SLC14A2: variants seen among roughly 807,000 people sequenced by gnomAD.
The protein encoded by SLC14A2 is solute carrier family 14 member 2.
A neutral mutation model predicts 104.6 loss-of-function variants in SLC14A2; 91 were observed. That is an observed-to-expected ratio of 0.87 (90% CI 0.73 to 1.04). The LOEUF (loss-of-function observed/expected upper bound fraction) is 1.04, where lower values mean the gene tolerates loss of function less well. Ranked by LOEUF, SLC14A2 falls within the 50% of genes least tolerant of loss-of-function variation. SLC14A2 has a pLI of 0.00. For missense variants in SLC14A2, 1,189 were observed against 1,156.0 expected, an observed-to-expected ratio of 1.03 and a Z score of -0.41; for synonymous variants, 476 against 466.4, an observed-to-expected ratio of 1.02 and a Z score of -0.27.
At chr18:45,214,661 T>G (rs977311269) in intron 1 of SLC14A2, among the ~76,000 whole-genome samples, 1 of 152,150 alleles carries the variant, frequency 6.6e-6, no homozygotes, top group Non-Finnish European at 1.5e-5. Flanking sequence ...GTCTTTCACT[T>G]GGTACTCAGA....
At chr18:45,584,029 A>G (rs2044534212) in intron 2 of SLC14A2, among the ~76,000 whole-genome samples, 1 of 152,252 alleles carries the variant, frequency 6.6e-6, no homozygotes, top group Non-Finnish European at 1.5e-5. Context: ...CTGAGTTTAC[A>G]TTATTGGTTT....
At chr18:45,350,400 G>C (rs965646751) in intron 1 of SLC14A2, among the ~76,000 whole-genome samples, 2 of 152,160 alleles carry the variant, frequency 1.3e-5, no homozygotes, top group Non-Finnish European at 2.9e-5. Context: ...AGGTCACAGG[G>C]ACAGCACGTT....
At chr18:45,329,620 T>A (rs73955534) in intron 1 of SLC14A2, among the ~76,000 whole-genome samples, 2,089 of 152,328 alleles carry the variant, frequency 0.014, 51 homozygotes, top group African/African-American at 0.048. Context: ...GCCACCAGCC[T>A]GTGTTGTTAT....
chr18:45,679,379 A>G (rs532510373), intron 19 of SLC14A2, among the ~76,000 whole-genome samples: 4 of 152,224 alleles, frequency 2.6e-5, no homozygotes, highest in Non-Finnish European at 4.4e-5. Context: ...GTGAGCCAGC[A>G]TATATCTTTG....
intron 10 of SLC14A2, among the ~76,000 whole-genome samples, chr18:45,645,622 T>TATATATATATATAC (rs370081713): frequency 7.4e-6 from 1 of 134,862 alleles, no homozygotes; most frequent in Non-Finnish European, 1.6e-5. Context: ...AATATATATA[T>TATATATATATATAC]ACATATACAA....
chr18:45,328,379 T>A (rs959353621), intron 1 of SLC14A2, among the ~76,000 whole-genome samples: 3 of 152,168 alleles, frequency 2.0e-5, no homozygotes, highest in Non-Finnish European at 4.4e-5. Context: ...ACAGGAATGA[T>A]GGACAAAGCC....
intron 1 of SLC14A2, among the ~76,000 whole-genome samples, chr18:45,451,367 G>A (rs2086854987): frequency 6.6e-6 from 1 of 152,008 alleles, no homozygotes; most frequent in Admixed American, 6.6e-5. Context: ...GTATCAGAAA[G>A]CAATTCAACA....
At chr18:45,304,833 A>C (rs1367059181) in intron 1 of SLC14A2, among the ~76,000 whole-genome samples, 2 of 152,210 alleles carry the variant, frequency 1.3e-5, no homozygotes. Context: ...CAAGAAGTTC[A>C]TGAACCCTCT....
At chr18:45,220,717 G>A (rs1417205358) in intron 1 of SLC14A2, among the ~76,000 whole-genome samples, 1 of 152,188 alleles carries the variant, frequency 6.6e-6, no homozygotes, top group African/African-American at 2.4e-5. Flanking sequence ...ACCAAAAAGG[G>A]AAATGTTAGG....
chr18:45,632,717 G>A (rs1348748026), intron 5 of SLC14A2, among the ~76,000 whole-genome samples: 2 of 152,232 alleles, frequency 1.3e-5, no homozygotes, highest in East Asian at 3.9e-4. Flanking sequence ...TTGCTCTGTC[G>A]TCCAGGCTGG....
At chr18:45,215,842 A>AT (rs111843378) in intron 1 of SLC14A2, among the ~76,000 whole-genome samples, 1,853 of 151,216 alleles carry the variant, frequency 0.012, 24 homozygotes, top group Middle Eastern at 0.017. Flanking sequence ...CTATAATGGT[A>AT]TTTTTTTTTG....
intron 1 of SLC14A2, among the ~76,000 whole-genome samples, chr18:45,306,281 T>C (rs567064484): frequency 5.9e-5 from 9 of 152,306 alleles, no homozygotes; most frequent in Non-Finnish European, 8.8e-5. Context: ...TTTTTAAAAC[T>C]AAGGGCCATA....
the SLC14A2 span, among the ~76,000 whole-genome samples, chr18:45,183,050 AATT>A: frequency 6.6e-6 from 1 of 152,216 alleles, no homozygotes; most frequent in African/African-American, 2.4e-5. Flanking sequence ...TATAGATTAG[AATT>A]ATGAACAGTT....
At chr18:45,522,973 C>T (rs377598690) in intron 2 of SLC14A2, among the ~76,000 whole-genome samples, 10 of 152,226 alleles carry the variant, frequency 6.6e-5, no homozygotes, top group Admixed American at 5.9e-4. Flanking sequence ...TGGCTTGGCA[C>T]GCATGCAACC....
intron 1 of SLC14A2, among the ~76,000 whole-genome samples, chr18:45,288,343 C>T (rs573906721): frequency 1.1e-4 from 17 of 152,308 alleles, no homozygotes; most frequent in African/African-American, 3.8e-4. Flanking sequence ...AGCTGCCTCA[C>T]CCTAGACTCA....
chr18:45,394,379 C>T (rs1173647601), intron 1 of SLC14A2, among the ~76,000 whole-genome samples: 1 of 152,108 alleles, frequency 6.6e-6, no homozygotes, highest in Non-Finnish European at 1.5e-5. Flanking sequence ...TGAAAATAGA[C>T]AGACTCTGAA....
At chr18:45,219,609 G>GA (rs2084042644) in intron 1 of SLC14A2, among the ~76,000 whole-genome samples, 2 of 152,176 alleles carry the variant, frequency 1.3e-5, no homozygotes, top group Non-Finnish European at 2.9e-5. Flanking sequence ...AGAGCTAAAA[G>GA]AAAAACAGTT....
chr18:45,209,180 CAA>C (rs71372700), upstream of SLC14A2, among the ~76,000 whole-genome samples: 1,005 of 83,844 alleles, frequency 0.012, 14 homozygotes, highest in African/African-American at 0.021. Flanking sequence ...ATTAAAAATA[CAA>C]AAAAAAAAAA....
At chr18:45,646,859 G>T (rs1236255105) in intron 10 of SLC14A2, 1 of 152,132 alleles carries the variant, frequency 6.6e-6, no homozygotes, top group South Asian at 2.1e-4. Context: ...AGAAGAAGAA[G>T]GGTTTGGGGA....
Sources: gnomAD v4.1 joint callset for allele counts (sites outside exome capture counted in the v4.1 genomes callset) on GRCh38, gnomAD v4.1.1 for gene constraint, MANE v1.5 for transcripts, NCBI Gene and HGNC (gene_info 2026-07-23, HGNC 2026-07-21) for gene names.